ABCA3: variants seen among roughly 807,000 people sequenced by gnomAD.
ABCA3 encodes ATP binding cassette subfamily A member 3.
ABCA3 carries 88 observed loss-of-function variants against 172.8 expected under a neutral mutation model. The observed-to-expected ratio is 0.51, with a 90% confidence interval of 0.43 to 0.61. ABCA3 has a LOEUF of 0.61. ABCA3 is among the 20% of genes least tolerant of loss of function. ABCA3 has a pLI of 0.00. For missense variants in ABCA3, 2,164 were observed against 2,301.0 expected, an observed-to-expected ratio of 0.94 and a Z score of 1.22; for synonymous variants, 1,066 against 983.8, an observed-to-expected ratio of 1.08 and a Z score of -1.56.
intron 20 of ABCA3, 140 bp from the exon 21 acceptor site, chr16:2,288,469 G>T: frequency 9.6e-7 from 1 of 1,040,828 alleles, no homozygotes. Context: ...CTCCCAGAGC[G>T]TTGAAACGGC....
intron 10 of ABCA3, among the ~76,000 whole-genome samples, chr16:2,315,312 A>T (rs774082550): frequency 2.6e-5 from 4 of 152,068 alleles, no homozygotes; most frequent in Non-Finnish European, 5.9e-5. Flanking sequence ...GAGCCCTCAG[A>T]TCGAAATGTT....
At chr16:2,309,423 G>C (rs909663134) in intron 10 of ABCA3, among the ~76,000 whole-genome samples, 4 of 152,232 alleles carry the variant, frequency 2.6e-5, no homozygotes, top group Admixed American at 2.0e-4. Context: ...AGAGAGCAAG[G>C]TGTGCTGGAT....
chr16:2,303,971 T>C lies in ABCA3; in HGVS notation c.1465A>G (p.Met489Val), dbSNP rs150543946. The change falls in exon 12 of 33, where the codon ATG (methionine) becomes GTG (valine). Residue 489 changes from methionine to valine, a missense_variant and splice_region_variant. This residue lies in a region of ABCA3 where 1,343 missense variants were observed against 1,369.6 expected (regional missense o/e 0.98). Coordinates refer to ENST00000301732, the MANE Select transcript of ABCA3 (RefSeq NM_001089.3). ...GVPQPWYFFIMPSYWCGKPRA... is the reference protein window; with the variant it reads ...GVPQPWYFFIVPSYWCGKPRA... ...AAGAGCAGGGCATCAGAACTCACCA[T>C]GATGAAGAAGTACCAGGGCTGAGGC... is the stretch of plus-strand genomic sequence containing the variant. 2.5e-5 allele frequency: 40 copies of C among 1,613,892 alleles called. No homozygotes were observed. Among genetic ancestry groups the C allele is most frequent in the Non-Finnish European group, 3.1e-5 (37 of 1,179,972 alleles).
At chr16:2,303,289 C>T (rs1234017166) in intron 12 of ABCA3, among the ~76,000 whole-genome samples, 1 of 147,152 alleles carries the variant, frequency 6.8e-6, no homozygotes, top group African/African-American at 2.5e-5. Context: ...TTGAGACAGA[C>T]TCTCGCTGTG....
At chr16:2,333,955 A>G (rs923232045) in intron 1 of ABCA3, among the ~76,000 whole-genome samples, 1 of 152,008 alleles carries the variant, frequency 6.6e-6, no homozygotes, top group South Asian at 2.1e-4. Context: ...CCCAAAGTGC[A>G]TGCTGGGATT....
chr16:2,314,164 C>T (rs1391144979), intron 10 of ABCA3, among the ~76,000 whole-genome samples: 1 of 152,152 alleles, frequency 6.6e-6, no homozygotes, highest in Admixed American at 6.5e-5. Context: ...GAATGAAAAG[C>T]AGGGACCCAT....
intron 12 of ABCA3, among the ~76,000 whole-genome samples, chr16:2,301,950 C>A (rs771026010): frequency 6.6e-6 from 1 of 152,244 alleles, no homozygotes; most frequent in Non-Finnish European, 1.5e-5. Context: ...AGGTTGTGGG[C>A]AAGGAACACC....
chr16:2,335,245 G>GA (rs1190886363), intron 1 of ABCA3, among the ~76,000 whole-genome samples: 2 of 152,040 alleles, frequency 1.3e-5, no homozygotes, highest in Non-Finnish European at 2.9e-5. Context: ...AAAAAGTGAT[G>GA]AAAAAATCTA....
At chr16:2,312,732 A>G (rs764296143) in intron 10 of ABCA3, among the ~76,000 whole-genome samples, 2 of 151,770 alleles carry the variant, frequency 1.3e-5, no homozygotes, top group Non-Finnish European at 2.9e-5. Flanking sequence ...GGGTTTCACC[A>G]TGTTGGCCAG....
In ABCA3 at chr16:2,285,510, C is replaced by A. The variant is rs780850241; in HGVS notation, c.3415G>T (p.Ala1139Ser). The A allele has an allele frequency of 6.2e-7, 1 of 1,609,376 alleles. No individual in the cohort carries two copies. Among genetic ancestry groups the A allele is most frequent in the South Asian group, 1.1e-5 (1 of 90,054 alleles). ...AGCAGAGCAGAGAGCCAGAAACTGG[C>A]CACGTGGACTCCACTCACAAACTGC... is the stretch of plus-strand genomic sequence containing the variant. ...HVQFVSGVHV[A>S]SFWLSALLWD... is the part of the protein sequence containing the mutation. Residue 1139 changes from alanine to serine, a missense_variant, in exon 23 of 33, where the codon GCC becomes TCC. Transcript: ENST00000301732. This position sits in a 1 kb window ranked among gnomAD's most constrained non-coding sequence, Gnocchi z 4.7.
rs1239556957 is a variant in ABCA3, at chr16:2,278,242, C to T, written c.4718+46G>A. ...CCTGGCCACCTGGCTCCTCCATGGCCCACCCGGTGCTGAAACTTCCAGTAA... is the reference window on the plus strand; with the variant it reads ...CCTGGCCACCTGGCTCCTCCATGGCTCACCCGGTGCTGAAACTTCCAGTAA... On this transcript the variant is annotated intron_variant, in intron 30 of 32. Transcript: ENST00000301732. This position sits in a 1 kb window ranked among gnomAD's most constrained non-coding sequence, Gnocchi z 4.4. 1 of 1,602,938 alleles carries T rather than the reference C, an allele frequency of 6.2e-7. No individual in the cohort carries two copies. The highest frequency in any genetic ancestry group is 2.2e-5 in the East Asian group (1 of 44,880).
chr16:2,315,555 T>G (rs1197435264), intron 10 of ABCA3, among the ~76,000 whole-genome samples: 1 of 131,098 alleles, frequency 7.6e-6, no homozygotes, highest in Non-Finnish European at 1.7e-5. Flanking sequence ...CTCAAAGATG[T>G]GCTTCAACAC....
intron 13 of ABCA3, 84 bp downstream of exon 13, chr16:2,299,921 G>A: frequency 6.3e-7 from 1 of 1,585,200 alleles, no homozygotes; most frequent in Non-Finnish European, 8.6e-7. Context: ...CGCCTGACGG[G>A]CTATGAGGTC....
At chr16:2,305,696 A>G (rs2141717395) in intron 11 of ABCA3, among the ~76,000 whole-genome samples, 1 of 152,206 alleles carries the variant, frequency 6.6e-6, no homozygotes, top group South Asian at 2.1e-4. Flanking sequence ...AAGTGCTGGG[A>G]TTACAGGTGT....
intron 20 of ABCA3, among the ~76,000 whole-genome samples, chr16:2,288,540 ATGGGGCCCTGCACGT>A (rs2093666771): frequency 1.3e-5 from 2 of 152,208 alleles, no homozygotes; most frequent in East Asian, 3.9e-4. Flanking sequence ...GCAGGTCTCC[ATGGGGCCCTGCACGT>A]TGGCACTATT....
intron 10 of ABCA3, among the ~76,000 whole-genome samples, chr16:2,316,141 A>G (rs1477750218): frequency 3.9e-4 from 39 of 100,090 alleles, no homozygotes; most frequent in African/African-American, 7.4e-4. Context: ...ACATGGTGAG[A>G]AAAAAAAAAA....
At chr16:2,300,422 G>T (rs1171425411) in intron 12 of ABCA3, among the ~76,000 whole-genome samples, 1 of 152,048 alleles carries the variant, frequency 6.6e-6, no homozygotes, top group Non-Finnish European at 1.5e-5. Flanking sequence ...CAGGGCAAAG[G>T]GAGTTTGTCA....
Position 2,278,165 on chromosome 16 carries a change from C to T in ABCA3, c.4719-96G>A. ...TCTCCGATCAGGCTGTTCCTGATAC[C>T]CATGCTCAGTGTGGCTCACGGGCAG... On this transcript the variant is annotated intron_variant, in intron 30 of 32. Transcript: ENST00000301732. The surrounding 1 kb of genome is among the most constrained non-coding windows in gnomAD (Gnocchi z 4.4). The T allele has an allele frequency of 1.3e-6, 2 of 1,596,064 alleles. No individual in the cohort carries two copies. Among genetic ancestry groups the T allele is most frequent in the South Asian group, 1.1e-5 (1 of 90,658 alleles).
chr16:2,327,575 C>T (rs1224804180), intron 3 of ABCA3, among the ~76,000 whole-genome samples: 2 of 152,202 alleles, frequency 1.3e-5, no homozygotes, highest in Non-Finnish European at 2.9e-5. Flanking sequence ...GGCCTTGCTG[C>T]CCCGGAGCAG....
Sources: allele counts gnomAD v4.1 joint callset (sites outside exome capture counted in the v4.1 genomes callset), GRCh38; gene constraint gnomAD v4.1.1; regional missense constraint gnomAD v4.1.1; non-coding constraint Gnocchi (gnomAD v3.1); transcripts MANE v1.5; gene names NCBI Gene and HGNC (gene_info 2026-07-23, HGNC 2026-07-21).